Variants in GPAT3 observed in about 807,000 individuals in gnomAD.
GPAT3 encodes 1-AGP acyltransferase 9.
In GPAT3, 53 loss-of-function variants were observed where a neutral mutation model predicts 58.8. The observed-to-expected ratio is 0.90, with a 90% CI of 0.72 to 1.13. The LOEUF (loss-of-function observed/expected upper bound fraction) is 1.13, where lower values mean the gene tolerates loss of function less well. GPAT3 is among the 50% of genes most tolerant of loss of function. The pLI is 0.00. For missense variants in GPAT3, 511 were observed against 527.6 expected (o/e 0.97, Z 0.31); for synonymous variants, 197 against 187.4 (o/e 1.05, Z -0.42).
At chr4:83,581,948 GA>G in intron 3 of GPAT3, 116 bp downstream of exon 3, 1 of 1,362,234 alleles carries the variant, frequency 7.3e-7, no homozygotes, top group Non-Finnish European at 1.0e-6. Flanking sequence ...TCCCACGTAG[GA>G]AATGCCACCA....
Position 83,604,822 on chromosome 4 carries a change from TTTTTTG to T in GPAT3, c.*60_*65del, listed in dbSNP as rs2110114747. On this transcript the variant is annotated 3_prime_UTR_variant, in exon 12 of 12. Coordinates refer to ENST00000264409, the MANE Select transcript of GPAT3 (RefSeq NM_032717.5). The stretch of plus-strand genomic sequence containing the variant: ...ACTAGCCCTTAGAAATGGAATGGCT[TTTTTTG>T]TTTTGTTTTGTTTTATTGTTTTGTT... The T allele has an allele frequency of 4.9e-6, 6 of 1,231,106 alleles. No homozygotes were observed. Among genetic ancestry groups the T allele is most frequent in the East Asian group, 2.6e-5 (1 of 38,252 alleles). The allele number at this position is 1,231,106 out of a possible 1,614,324, so 76.3% of individuals were successfully genotyped here.
chr4:83,553,895 TA>T (rs1267294097), intron 2 of GPAT3, among the ~76,000 whole-genome samples: 2 of 151,176 alleles, frequency 1.3e-5, no homozygotes, highest in South Asian at 4.2e-4. Flanking sequence ...AATAAATAAA[TA>T]AAATAAAAAA....
At chr4:83,566,749 T>C (rs1459270173) in intron 2 of GPAT3, among the ~76,000 whole-genome samples, 2 of 151,758 alleles carry the variant, frequency 1.3e-5, no homozygotes, top group African/African-American at 4.8e-5. Flanking sequence ...TATCTTTCCA[T>C]TTGTTTAGAT....
intron 2 of GPAT3, among the ~76,000 whole-genome samples, chr4:83,576,122 T>A (rs1725804349): frequency 6.6e-6 from 1 of 152,266 alleles, no homozygotes. Flanking sequence ...TGACTTTTGC[T>A]CATTCTGATG....
At chr4:83,551,252 T>C (rs1259512130) in intron 2 of GPAT3, among the ~76,000 whole-genome samples, 1 of 152,002 alleles carries the variant, frequency 6.6e-6, no homozygotes, top group East Asian at 1.9e-4. Flanking sequence ...TGGACTTACA[T>C]GGAAAGAAAA....
chr4:83,583,623 C>T (rs1175107955), intron 3 of GPAT3, among the ~76,000 whole-genome samples: 3 of 128,966 alleles, frequency 2.3e-5, no homozygotes, highest in Non-Finnish European at 3.1e-5. Flanking sequence ...ACCAGGATCA[C>T]GCTACTACAC....
intron 2 of GPAT3, among the ~76,000 whole-genome samples, chr4:83,552,287 A>T (rs1404884161): frequency 6.6e-6 from 1 of 152,018 alleles, no homozygotes; most frequent in Admixed American, 6.6e-5. Flanking sequence ...ACAGTAGCAC[A>T]CTCCCATTCG....
intron 1 of GPAT3, among the ~76,000 whole-genome samples, chr4:83,542,958 A>G (rs564040287): frequency 8.5e-5 from 13 of 152,228 alleles, no homozygotes; most frequent in African/African-American, 3.1e-4. Context: ...AGATCATGCC[A>G]TTGGACTCCA....
At chr4:83,543,376 A>T (rs996848557) in intron 1 of GPAT3, among the ~76,000 whole-genome samples, 2 of 152,238 alleles carry the variant, frequency 1.3e-5, no homozygotes, top group Non-Finnish European at 2.9e-5. Context: ...TGAAAAGTTC[A>T]CTAGCAGTTT....
chr4:83,604,786 T>G lies in GPAT3; in HGVS notation c.*19T>G. 6.3e-7 allele frequency: 1 copy of G among 1,598,072 alleles called. No individual in the cohort carries two copies. Among genetic ancestry groups the G allele is most frequent in the Non-Finnish European group, 8.6e-7 (1 of 1,166,206 alleles). On this transcript the variant is annotated 3_prime_UTR_variant, in exon 12 of 12. Coordinates refer to ENST00000264409, the MANE Select transcript of GPAT3 (RefSeq NM_032717.5). ...CAGCTAAGAGGACGGATGACAGCCTTTAGATCTAGAACTAGCCCTTAGAAA... is the reference window on the plus strand; with the variant it reads ...CAGCTAAGAGGACGGATGACAGCCTGTAGATCTAGAACTAGCCCTTAGAAA...
In GPAT3 at chr4:83,598,624, T is replaced by A; in HGVS notation, c.1126-20T>A. 9.9e-7 allele frequency: 1 copy of A among 1,012,156 alleles called. No individual in the cohort carries two copies. Among genetic ancestry groups the A allele is most frequent in the South Asian group, 2.1e-5 (1 of 46,552 alleles). 62.7% of individuals were successfully genotyped at this position (1,012,156 alleles called of 1,614,324 possible). On this transcript the variant is annotated intron_variant, in intron 10 of 11. Coordinates refer to ENST00000264409, the MANE Select transcript of GPAT3 (RefSeq NM_032717.5). The stretch of plus-strand genomic sequence containing the variant: ...TCGATAACTAAGATATTCTTGCAAT[T>A]TTTTTTTTTTTTAAACCAGGAAGGA...
chr4:83,592,875 CT>C (rs1482313249), intron 6 of GPAT3, among the ~76,000 whole-genome samples: 2 of 151,174 alleles, frequency 1.3e-5, no homozygotes, highest in African/African-American at 4.8e-5. Context: ...TTTAACATTT[CT>C]TTTTTTTTGA....
chr4:83,561,551 T>C (rs916280133), intron 2 of GPAT3, among the ~76,000 whole-genome samples: 3 of 152,108 alleles, frequency 2.0e-5, no homozygotes, highest in Non-Finnish European at 4.4e-5. Context: ...TACTTGCCAG[T>C]GTGTAGGCCA....
intron 2 of GPAT3, among the ~76,000 whole-genome samples, chr4:83,566,206 AT>A (rs1426653676): frequency 6.6e-6 from 1 of 151,964 alleles, no homozygotes; most frequent in Non-Finnish European, 1.5e-5. Flanking sequence ...TCTTTCCCAC[AT>A]TTTTGTATTT....
chr4:83,549,898 T>G (rs1724689800), intron 2 of GPAT3, among the ~76,000 whole-genome samples: 1 of 151,748 alleles, frequency 6.6e-6, no homozygotes, highest in Non-Finnish European at 1.5e-5. Flanking sequence ...AATTTTTGTA[T>G]TTTTAGTAGA....
At chr4:83,571,096 A>C (rs916718562) in intron 2 of GPAT3, among the ~76,000 whole-genome samples, 5 of 151,894 alleles carry the variant, frequency 3.3e-5, no homozygotes, top group African/African-American at 1.2e-4. Flanking sequence ...TTTTGTTCCC[A>C]CTCTGTATAA....
intron 3 of GPAT3, among the ~76,000 whole-genome samples, chr4:83,586,141 C>T (rs761223614): frequency 2.0e-5 from 3 of 152,132 alleles, no homozygotes; most frequent in African/African-American, 4.8e-5. Flanking sequence ...ATAAAAGGTA[C>T]TTAGAATATT....
intron 2 of GPAT3, among the ~76,000 whole-genome samples, chr4:83,546,774 G>A (rs1724533111): frequency 6.6e-6 from 1 of 152,168 alleles, no homozygotes; most frequent in South Asian, 2.1e-4. Flanking sequence ...TGAAATAGGT[G>A]CATAAGCAAA....
chr4:83,548,594 C>T (rs1724630137), intron 2 of GPAT3, among the ~76,000 whole-genome samples: 1 of 151,394 alleles, frequency 6.6e-6, no homozygotes, highest in African/African-American at 2.4e-5. Flanking sequence ...ACCACAAATA[C>T]ATAAAGGCGG....
Sources: gnomAD v4.1 joint callset for allele counts (sites outside exome capture counted in the v4.1 genomes callset) on GRCh38, gnomAD v4.1.1 for gene constraint, MANE v1.5 for transcripts, NCBI Gene and HGNC (gene_info 2026-07-23, HGNC 2026-07-21) for gene names.